PCBP2: variants seen among roughly 807,000 people sequenced by gnomAD.
PCBP2 encodes poly(rC)-binding protein 2.
Under a neutral mutation model 50.1 loss-of-function variants are expected in PCBP2, and 4 were observed. That is an observed-to-expected ratio of 0.08 (90% CI 0.04 to 0.18). The LOEUF (loss-of-function observed/expected upper bound fraction) is 0.18. Ranked by LOEUF, PCBP2 falls within the 10% of genes least tolerant of loss-of-function variation. The pLI is 1.00. For missense variants in PCBP2, 161 were observed against 474.3 expected (o/e 0.34, Z 6.14); for synonymous variants, 179 against 168.0 (o/e 1.07, Z -0.51).
intron 13 of PCBP2, among the ~76,000 whole-genome samples, chr12:53,469,733 AG>A (rs957942141): frequency 8.1e-4 from 121 of 150,162 alleles, no homozygotes; most frequent in African/African-American, 2.8e-3. Flanking sequence ...ATTTCAAAAA[AG>A]GAAAGAAATT....
At chr12:53,467,748 T>G (rs1941919912) in intron 11 of PCBP2, 57 bp from the exon 12 acceptor site, 4 of 1,370,820 alleles carry the variant, frequency 2.9e-6, no homozygotes, top group Admixed American at 3.6e-5. Context: ...AAGGAATAAC[T>G]TGTCCGATAG....
At chr12:53,468,751 T>C (rs770663287) in intron 12 of PCBP2, 26 bp from the exon 13 acceptor site, 1 of 1,591,686 alleles carries the variant, frequency 6.3e-7, no homozygotes, top group Middle Eastern at 1.7e-4. Context: ...GTGCATTGAA[T>C]TTGCTTGCTC....
intron 4 of PCBP2, 134 bp downstream of exon 4, chr12:53,455,627 G>A (rs1940948436): frequency 5.4e-6 from 5 of 929,482 alleles, no homozygotes; most frequent in African/African-American, 1.7e-5. Context: ...GTTATTTGTA[G>A]TGATAATCTG....
chr12:53,471,985 T>A (rs1942270008), intron 14 of PCBP2, among the ~76,000 whole-genome samples, 178 bp downstream of exon 14: 2 of 124,088 alleles, frequency 1.6e-5, no homozygotes, highest in South Asian at 6.4e-4. Context: ...TAAACTGCAG[T>A]AAGTTTTCAA....
intron 14 of PCBP2, among the ~76,000 whole-genome samples, chr12:53,473,340 C>G (rs1942362600): frequency 6.6e-6 from 1 of 152,218 alleles, no homozygotes; most frequent in South Asian, 2.1e-4. Flanking sequence ...GCCTCGGCCT[C>G]CCAAAGTGCT....
intron 5 of PCBP2, among the ~76,000 whole-genome samples, chr12:53,457,184 C>A (rs1236650633): frequency 6.6e-6 from 1 of 152,014 alleles, no homozygotes. Context: ...GTAGCTGGGG[C>A]TACAGGTGCA....
intron 13 of PCBP2, among the ~76,000 whole-genome samples, chr12:53,469,511 G>C (rs1173693587): frequency 1.3e-5 from 2 of 151,750 alleles, no homozygotes; most frequent in Non-Finnish European, 2.9e-5. Context: ...ACCTGAGCTT[G>C]GAAGTTCGAG....
At chr12:53,453,267 A>G (rs1248078078) in intron 1 of PCBP2, 3 of 143,108 alleles carry the variant, frequency 2.1e-5, no homozygotes, top group South Asian at 2.2e-4. Flanking sequence ...AGGGCTTCCT[A>G]TTACATCTGC....
chr12:53,453,924 A>G (rs899661569), intron 1 of PCBP2, among the ~76,000 whole-genome samples: 7 of 152,364 alleles, frequency 4.6e-5, no homozygotes, highest in Admixed American at 3.9e-4. Flanking sequence ...AATTTTAGCA[A>G]TGCCAGTTTT....
chr12:53,474,283 C>T (rs964290871), intron 14 of PCBP2, among the ~76,000 whole-genome samples: 1 of 152,180 alleles, frequency 6.6e-6, no homozygotes, highest in Non-Finnish European at 1.5e-5. Context: ...TCTTTGAAAA[C>T]GCTACATTCT....
intron 14 of PCBP2, among the ~76,000 whole-genome samples, chr12:53,477,190 G>T (rs1288903014): frequency 1.3e-5 from 2 of 151,958 alleles, no homozygotes; most frequent in Non-Finnish European, 2.9e-5. Flanking sequence ...GCTCTGGTGG[G>T]GCCAGAGTGC....
rs183002033 is a variant in PCBP2, at chr12:53,457,739, G to A, written c.244-1533G>A. ...AATAAACATGTCCTTGTCTTTAGGG[G>A]TCTTAAGTGCTTAAGCAGTTTCCAG... is the stretch of plus-strand genomic sequence containing the variant. On this transcript the variant is annotated intron_variant, in intron 5 of 14. Transcript: ENST00000546463. Among the ~76,000 whole-genome samples the A allele has an allele frequency of 2.1e-3, 318 of 152,120 alleles. 3 individuals carry two copies. The highest frequency in any genetic ancestry group is 7.2e-3 in the African/African-American group (299 of 41,506).
At chr12:53,470,380 A>AG (rs1942129850) in intron 13 of PCBP2, among the ~76,000 whole-genome samples, 1 of 92,106 alleles carries the variant, frequency 1.1e-5, no homozygotes, top group Non-Finnish European at 2.6e-5. Context: ...CCGTCTCTCA[A>AG]AAAAAAAAAA....
At chr12:53,472,358 A>G (rs759838886) in intron 14 of PCBP2, among the ~76,000 whole-genome samples, 6 of 152,008 alleles carry the variant, frequency 3.9e-5, no homozygotes, top group African/African-American at 9.7e-5. Flanking sequence ...GGAAGTGTGA[A>G]GTGTGTTTTC....
At chr12:53,455,743 T>C (rs539707605) in intron 4 of PCBP2, 142 bp from the exon 5 acceptor site, 3 of 707,694 alleles carry the variant, frequency 4.2e-6, no homozygotes, top group African/African-American at 1.8e-5. Context: ...AGGATAGTCA[T>C]GGAGCAGTAG....
Position 53,460,991 on chromosome 12 carries a change from T to G in PCBP2, c.376-24T>G, listed in dbSNP as rs575545393. On this transcript the variant is annotated intron_variant, in intron 6 of 14. Transcript: ENST00000546463. ...AGAGCATGAACTGTTTTTCTCTGAT[T>G]TTGAATTTCTTTTTACTCCAAAGAG... is the stretch of plus-strand genomic sequence containing the variant. 3.7e-6 allele frequency: 6 copies of G among 1,611,478 alleles called. No individual in the cohort carries two copies. In the African/African-American group the frequency reaches 6.7e-5, roughly 18 times the overall value.
chr12:53,461,914 G>T (rs1941477198), intron 7 of PCBP2, among the ~76,000 whole-genome samples: 1 of 151,978 alleles, frequency 6.6e-6, no homozygotes. Context: ...TTGCCATGTT[G>T]CCCAGGCTGG....
intron 14 of PCBP2, among the ~76,000 whole-genome samples, chr12:53,473,141 T>C (rs1254475292): frequency 6.6e-6 from 1 of 151,210 alleles, no homozygotes. Flanking sequence ...TGGAGTGCAG[T>C]GGCTCCATCT....
Position 53,479,556 on chromosome 12 carries a change from AG to A in PCBP2, c.*115del, listed in dbSNP as rs1942912055. On this transcript the variant is annotated 3_prime_UTR_variant, in exon 15 of 15. Transcript: ENST00000546463. ...GGTTTTAAATAGTTTGTAAATTTTC[AG>A]TTTCTACACACTTTATCATCCACTC... The A allele has an allele frequency of 1.1e-6, 1 of 877,196 alleles. No homozygotes were observed. The highest frequency in any genetic ancestry group is 1.8e-6 in the Non-Finnish European group (1 of 542,300). The allele number at this position is 877,196 out of a possible 1,614,324, so 54.3% of individuals were successfully genotyped here. A position where few individuals can be genotyped will look rare whatever the true frequency, so the allele number is the denominator to read the frequency against.
Sources: allele counts gnomAD v4.1 joint callset (sites outside exome capture counted in the v4.1 genomes callset), GRCh38; gene constraint gnomAD v4.1.1; transcripts MANE v1.5; gene names NCBI Gene and HGNC (gene_info 2026-07-23, HGNC 2026-07-21).